The following SERPINE2 variants were observed in gnomAD, a reference collection of about 807,000 sequenced individuals.
SERPINE2 encodes the protein serpin family E member 2, also known as glia-derived nexin.
A neutral mutation model predicts 36.3 loss-of-function variants in SERPINE2; 14 were observed. The observed-to-expected ratio is 0.39, with a 90% CI of 0.25 to 0.60. The LOEUF is 0.60. Among genes scored for constraint, SERPINE2 ranks in the 20% least tolerant of loss-of-function variants. The probability of loss-of-function intolerance (pLI) is 0.57; values close to 1 mark genes in which losing one functional copy is unlikely to be tolerated. For missense variants in SERPINE2, 418 were observed against 499.6 expected (o/e 0.84, Z 1.56); for synonymous variants, 192 against 191.8 (o/e 1.00, Z -0.01).
intron 4 of SERPINE2, among the ~76,000 whole-genome samples, chr2:223,986,900 C>T (rs1161995782): frequency 6.6e-6 from 1 of 152,124 alleles, no homozygotes; most frequent in East Asian, 1.9e-4. Flanking sequence ...CCAGTGGTAG[C>T]CAGGGTGCAT....
intron 4 of SERPINE2, among the ~76,000 whole-genome samples, chr2:223,986,308 T>C (rs904719043): frequency 2.0e-5 from 3 of 152,198 alleles, no homozygotes; most frequent in Non-Finnish European, 2.9e-5. Flanking sequence ...GCACACTGCA[T>C]TTCCTGCAGG....
chr2:223,980,088 G>T, intron 7 of SERPINE2: 1 of 451,788 alleles, frequency 2.2e-6, no homozygotes. Context: ...TGTCCTAGAG[G>T]AATTTCTCTC....
rs550139736 is a variant in SERPINE2 at position 224,035,650 on chromosome 2, T to C, written c.-23+3449A>G. 3.3e-5 allele frequency among the ~76,000 whole-genome samples: 5 copies of C among 152,320 alleles called. No individual in the cohort carries two copies. In the South Asian group the frequency reaches 1.0e-3, roughly 32 times the overall value. ...TCCCACAGTGCTGGGATTACAGGTA[T>C]GAGCCACCACGCACTGCCTCATCCA... is the stretch of plus-strand genomic sequence containing the variant. On this transcript the variant is annotated intron_variant, in intron 1 of 8. Coordinates refer to ENST00000409304, the MANE Select transcript of SERPINE2 (RefSeq NM_001136528.2).
At chr2:224,002,119 G>A (rs980521209) in intron 1 of SERPINE2, among the ~76,000 whole-genome samples, 197 bp from the exon 2 acceptor site, 3 of 151,744 alleles carry the variant, frequency 2.0e-5, no homozygotes, top group Admixed American at 6.6e-5. Flanking sequence ...TGGAATTACA[G>A]GCGTGTACCA....
intron 1 of SERPINE2, chr2:224,030,941 G>A: frequency 8.1e-6 from 8 of 985,026 alleles, no homozygotes; most frequent in Non-Finnish European, 9.6e-6. Context: ...AAGGAACTAG[G>A]GGGCCAAAGG....
At chr2:224,008,998 A>T (rs1574836554) in intron 1 of SERPINE2, among the ~76,000 whole-genome samples, 1 of 152,162 alleles carries the variant, frequency 6.6e-6, no homozygotes, top group East Asian at 1.9e-4. Flanking sequence ...GATGATGACA[A>T]GATAAAGGAG....
intron 3 of SERPINE2, among the ~76,000 whole-genome samples, chr2:223,992,215 A>G (rs1158243381): frequency 2.6e-5 from 4 of 152,142 alleles, no homozygotes; most frequent in African/African-American, 7.2e-5. Context: ...AACAGAAAAG[A>G]CTTTAGAAAC....
intron 1 of SERPINE2, among the ~76,000 whole-genome samples, chr2:224,005,283 T>C (rs1348866823): frequency 1.3e-5 from 2 of 151,620 alleles, no homozygotes; most frequent in African/African-American, 4.9e-5. Flanking sequence ...TTATGGGTGT[T>C]TTTCTGGGTT....
chr2:224,036,978 A>T (rs116669387), intron 1 of SERPINE2, among the ~76,000 whole-genome samples: 1 of 152,170 alleles, frequency 6.6e-6, no homozygotes, highest in Admixed American at 6.5e-5. Flanking sequence ...CCATCTCTCT[A>T]TATTTCTCTA....
chr2:224,006,993 G>A (rs867432194), intron 1 of SERPINE2, among the ~76,000 whole-genome samples: 1 of 152,182 alleles, frequency 6.6e-6, no homozygotes, highest in African/African-American at 2.4e-5. Context: ...CACCTGTGAC[G>A]AGACCCCTTA....
At chr2:224,014,395 AAG>A (rs1691727788) in intron 1 of SERPINE2, among the ~76,000 whole-genome samples, 1 of 152,162 alleles carries the variant, frequency 6.6e-6, no homozygotes, top group Non-Finnish European at 1.5e-5. Flanking sequence ...AAAAGAAAAA[AAG>A]AAAAATTCCA....
intron 4 of SERPINE2, among the ~76,000 whole-genome samples, chr2:223,987,279 C>T (rs1413813560): frequency 6.6e-6 from 1 of 152,184 alleles, no homozygotes; most frequent in Non-Finnish European, 1.5e-5. Flanking sequence ...TAAAATACCT[C>T]ACTTCTTGCA....
intron 4 of SERPINE2, among the ~76,000 whole-genome samples, chr2:223,987,351 A>T (rs929451417): frequency 6.6e-6 from 1 of 152,174 alleles, no homozygotes; most frequent in Non-Finnish European, 1.5e-5. Flanking sequence ...ACTACATGGA[A>T]TATTACGTAG....
intron 7 of SERPINE2, chr2:223,977,877 C>G: frequency 2.3e-6 from 1 of 438,914 alleles, no homozygotes; most frequent in Non-Finnish European, 4.2e-6. Flanking sequence ...AACATACTTA[C>G]TCCTCATAGA....
At chr2:224,014,248 A>C (rs1469287494) in intron 1 of SERPINE2, among the ~76,000 whole-genome samples, 2 of 152,080 alleles carry the variant, frequency 1.3e-5, no homozygotes, top group Non-Finnish European at 2.9e-5. Context: ...GGTGGCGCAC[A>C]CCTGTTATCC....
intron 2 of SERPINE2, 44 bp downstream of exon 2, chr2:224,001,598 C>T (rs1226793101): frequency 1.3e-6 from 2 of 1,581,202 alleles, no homozygotes; most frequent in African/African-American, 2.7e-5. Context: ...TGTCACAAGA[C>T]TCTCAGGCAA....
intron 1 of SERPINE2, among the ~76,000 whole-genome samples, chr2:224,011,684 T>A (rs1691627260): frequency 6.6e-6 from 1 of 152,216 alleles, no homozygotes; most frequent in Admixed American, 6.5e-5. Flanking sequence ...AGGCAATCCC[T>A]AGTACGCATA....
intron 1 of SERPINE2, among the ~76,000 whole-genome samples, chr2:224,035,175 G>C (rs189054206): frequency 1.7e-3 from 263 of 152,260 alleles, no homozygotes; most frequent in African/African-American, 5.8e-3. Context: ...TAAGCACTAG[G>C]CATTCCCAGG....
Position 223,992,016 on chromosome 2 carries a change from A to G in SERPINE2, c.488-16T>C. 6.8e-6 allele frequency: 11 copies of G among 1,612,492 alleles called. No individual in the cohort carries two copies. Among genetic ancestry groups the G allele is most frequent in the East Asian group, 2.2e-5 (1 of 44,878 alleles). ...TCAATCATATCTGTGAAGCCAAAGA[A>G]CAAACAAGGGAAAAATAACCTCAGG... On this transcript the variant is annotated splice_polypyrimidine_tract_variant and intron_variant, in intron 3 of 8. Coordinates refer to ENST00000409304, the MANE Select transcript of SERPINE2 (RefSeq NM_001136528.2).
Sources: allele counts gnomAD v4.1 joint callset (sites outside exome capture counted in the v4.1 genomes callset), GRCh38; gene constraint gnomAD v4.1.1; transcripts MANE v1.5; gene names NCBI Gene and HGNC (gene_info 2026-07-23, HGNC 2026-07-21).